Variants in CDH23 observed in about 807,000 individuals in gnomAD.
CDH23 encodes the protein cadherin related 23, also known as cadherin-23.
A neutral mutation model predicts 317.1 loss-of-function variants in CDH23; 189 were observed. That is an observed-to-expected ratio of 0.60 (90% CI 0.53 to 0.67). CDH23 has a LOEUF of 0.67. CDH23 is among the 30% of genes least tolerant of loss of function. The pLI is 0.00. For synonymous variants in CDH23, 1,839 were observed against 1,876.8 expected, an observed-to-expected ratio of 0.98 and a Z score of 0.52; for missense variants, 4,401 against 4,592.4, an observed-to-expected ratio of 0.96 and a Z score of 1.20.
chr10:71,687,813 A>C, intron 19 of CDH23, 94 bp downstream of exon 19: 1 of 1,169,506 alleles, frequency 8.6e-7, no homozygotes, highest in African/African-American at 1.5e-5. Flanking sequence ...CTGCACACAA[A>C]TTGTGGGAGG....
At chr10:71,545,577 GA>G (rs1856229200) in intron 6 of CDH23, among the ~76,000 whole-genome samples, 1 of 152,156 alleles carries the variant, frequency 6.6e-6, no homozygotes, top group Non-Finnish European at 1.5e-5. Flanking sequence ...ATTCATTCAA[GA>G]AACAGTTCTT....
intron 7 of CDH23, 34 bp downstream of exon 7, chr10:71,566,970 G>T (rs1276693691): frequency 6.3e-7 from 1 of 1,597,706 alleles, no homozygotes; most frequent in Non-Finnish European, 8.5e-7. Context: ...GGCCGTCCCA[G>T]CTGCCTCTTC....
intron 3 of CDH23, among the ~76,000 whole-genome samples, chr10:71,457,656 G>C (rs1392553849): frequency 6.6e-6 from 1 of 152,238 alleles, no homozygotes; most frequent in Non-Finnish European, 1.5e-5. Context: ...GACTGGGGCC[G>C]GTGCCTGAGT....
chr10:71,654,864 C>G (rs7087701), intron 14 of CDH23, among the ~76,000 whole-genome samples: 54,927 of 151,988 alleles, frequency 0.36, 10,098 homozygotes, highest in Middle Eastern at 0.43. Context: ...AACCCAGCCT[C>G]CAAGTCACAC....
At chr10:71,415,924 T>A (rs1848515293) in intron 1 of CDH23, among the ~76,000 whole-genome samples, 1 of 152,386 alleles carries the variant, frequency 6.6e-6, no homozygotes, top group Middle Eastern at 3.4e-3. Context: ...GGGGAATTTT[T>A]ATAAATATTT....
At chr10:71,578,301 C>T (rs1317216869) in intron 9 of CDH23, among the ~76,000 whole-genome samples, 1 of 152,156 alleles carries the variant, frequency 6.6e-6, no homozygotes, top group African/African-American at 2.4e-5. Context: ...CACTTTGGGG[C>T]TCTGGGCCTG....
intron 38 of CDH23, among the ~76,000 whole-genome samples, chr10:71,759,836 C>T (rs1840255661): frequency 1.4e-5 from 1 of 71,332 alleles, no homozygotes; most frequent in East Asian, 3.7e-4. Context: ...CACACACACA[C>T]ACACACACAC....
intron 1 of CDH23, among the ~76,000 whole-genome samples, chr10:71,415,755 T>A (rs781389866): frequency 1.3e-5 from 2 of 152,206 alleles, no homozygotes; most frequent in South Asian, 2.1e-4. Context: ...TCCTCTTTGA[T>A]TTATGGGTTT....
chr10:71,665,781 G>A (rs1863867433), intron 14 of CDH23, among the ~76,000 whole-genome samples: 1 of 152,190 alleles, frequency 6.6e-6, no homozygotes, highest in African/African-American at 2.4e-5. Context: ...CGAGCTCAGT[G>A]GGATTTCCAT....
chr10:71,716,096 C>T, intron 28 of CDH23: 1 of 1,534,704 alleles, frequency 6.5e-7, no homozygotes, highest in South Asian at 1.2e-5. Flanking sequence ...CTCACTGGGG[C>T]TCCCAGGGTG....
chr10:71,582,044 A>G (rs977589760), intron 9 of CDH23, among the ~76,000 whole-genome samples: 2 of 152,198 alleles, frequency 1.3e-5, no homozygotes, highest in Admixed American at 6.5e-5. Context: ...TAATCCACAC[A>G]TGGATGAGAG....
rs776269225 is a variant in CDH23 at position 71,793,304 on chromosome 10, C to A, written c.6376C>A (p.Arg2126Ser). ...FLIHLVTGVI[R>S]VGNATIDREE... The stretch of plus-strand genomic sequence containing the variant: ...CATTCATCTGGTCACCGGGGTCATC[C>A]GTGTTGGTAATGCCACCATCGACAG... The change falls in exon 48 of 70, where the codon CGT becomes AGT. Residue 2126 changes from arginine to serine, a missense_variant. Physicochemically the swap from Arg to Ser is moderately radical, Grantham distance 110 (BLOSUM62 -1). This residue lies in a region of CDH23 where 3,068 missense variants were observed against 3,203.3 expected (regional missense o/e 0.96). Coordinates refer to ENST00000224721, the MANE Select transcript of CDH23 (RefSeq NM_022124.6). 2 of 1,613,846 alleles carry A rather than the reference C, an allele frequency of 1.2e-6. No individual in the cohort carries two copies. Among genetic ancestry groups the A allele is most frequent in the Non-Finnish European group, 1.7e-6 (2 of 1,179,880 alleles).
intron 9 of CDH23, among the ~76,000 whole-genome samples, chr10:71,586,506 T>C (rs763901711): frequency 1.3e-5 from 2 of 152,088 alleles, no homozygotes; most frequent in East Asian, 1.9e-4. Context: ...TTAGCCTTAA[T>C]AATATTGTGG....
chr10:71,423,597 G>T (rs780242168), intron 1 of CDH23, among the ~76,000 whole-genome samples: 9 of 152,140 alleles, frequency 5.9e-5, no homozygotes, highest in Non-Finnish European at 1.0e-4. Context: ...GGGATGAGGG[G>T]AGGGAGGCAG....
At position 71,741,661 on chromosome 10, in the gene CDH23, T is replaced by G. The variant is rs1185514235; in HGVS notation, c.4618-33T>G. 2.6e-6 allele frequency: 4 copies of G among 1,566,882 alleles called. No homozygotes were observed. In the Admixed American group the frequency reaches 7.3e-5, roughly 29 times the overall value. On this transcript the variant is annotated intron_variant, in intron 37 of 69. Coordinates refer to ENST00000224721, the MANE Select transcript of CDH23 (RefSeq NM_022124.6). Reference sequence around the variant, plus strand: ...CCAGACTGTGCCCCAATGCCTTGAGTCCAGAATGACTGCTCTCCTGCTCTC... The same window carrying G: ...CCAGACTGTGCCCCAATGCCTTGAGGCCAGAATGACTGCTCTCCTGCTCTC...
At chr10:71,736,658 C>T (rs1470035295) in intron 34 of CDH23, among the ~76,000 whole-genome samples, 2 of 152,184 alleles carry the variant, frequency 1.3e-5, no homozygotes, top group Non-Finnish European at 2.9e-5. Context: ...CCAGCAGCCC[C>T]CCTCACCCCT....
chr10:71,743,774 C>T (rs1310429842), intron 38 of CDH23, among the ~76,000 whole-genome samples: 1 of 152,230 alleles, frequency 6.6e-6, no homozygotes, highest in Admixed American at 6.5e-5. Flanking sequence ...TGTGAAGTAA[C>T]AGAAACTGAC....
chr10:71,616,128 T>G (rs1384203517), intron 10 of CDH23, among the ~76,000 whole-genome samples: 1 of 152,232 alleles, frequency 6.6e-6, no homozygotes, highest in Non-Finnish European at 1.5e-5. Flanking sequence ...TGCAGCCGCC[T>G]GCCACTCACG....
intron 6 of CDH23, among the ~76,000 whole-genome samples, chr10:71,526,009 G>A (rs532816724): frequency 1.3e-5 from 2 of 152,354 alleles, no homozygotes; most frequent in East Asian, 1.9e-4. Context: ...GATCCTGGCT[G>A]AAAGCCTTCA....
Sources: gnomAD v4.1 joint callset for allele counts (sites outside exome capture counted in the v4.1 genomes callset) on GRCh38, gnomAD v4.1.1 for gene constraint, gnomAD v4.1.1 regional missense constraint, MANE v1.5 for transcripts, NCBI Gene and HGNC (gene_info 2026-07-23, HGNC 2026-07-21) for gene names.